TRIM14: variants seen among roughly 807,000 people sequenced by gnomAD.
TRIM14 encodes the protein tripartite motif containing 14.
TRIM14 carries 28 observed loss-of-function variants against 44.5 expected under a neutral mutation model. The observed-to-expected ratio is 0.63, with a 90% confidence interval of 0.47 to 0.86. TRIM14 has a LOEUF of 0.86. Ranked by LOEUF, TRIM14 falls within the 40% of genes least tolerant of loss-of-function variation. The probability of loss-of-function intolerance (pLI) is 0.00; values close to 1 mark genes in which losing one functional copy is unlikely to be tolerated. For missense variants in TRIM14, 607 were observed against 611.1 expected (o/e 0.99, Z 0.07); for synonymous variants, 299 against 269.2 (o/e 1.11, Z -1.08).
chr9:98,063,490 C>T, the TRIM14 span, among the ~76,000 whole-genome samples: 1 of 152,140 alleles, frequency 6.6e-6, no homozygotes, highest in Non-Finnish European at 1.5e-5. Context: ...TATCCATCTG[C>T]CTCAGCCTCC....
the TRIM14 span, among the ~76,000 whole-genome samples, chr9:98,042,190 G>A: frequency 1.3e-5 from 2 of 151,212 alleles, no homozygotes; most frequent in Non-Finnish European, 2.9e-5. Flanking sequence ...CTACTCGGGA[G>A]GCTGAGGCAG....
the TRIM14 span, among the ~76,000 whole-genome samples, chr9:98,062,450 T>A: frequency 1.3e-5 from 2 of 151,968 alleles, no homozygotes; most frequent in Non-Finnish European, 2.9e-5. Flanking sequence ...TGTGTTCTTT[T>A]GAATGTAAAA....
chr9:98,110,228 A>G (rs1564189098), intron 1 of TRIM14: 2 of 497,926 alleles, frequency 4.0e-6, no homozygotes, highest in Non-Finnish European at 7.3e-6. Context: ...CTCACACTTT[A>G]CTTTATCTAG....
downstream of TRIM14, among the ~76,000 whole-genome samples, chr9:98,067,058 T>C (rs1314144681): frequency 1.3e-5 from 2 of 152,224 alleles, no homozygotes; most frequent in African/African-American, 4.8e-5. Context: ...CATTGTGTTT[T>C]CATTTATGTT....
At chr9:98,111,199 G>A (rs1259750853) in intron 1 of TRIM14, among the ~76,000 whole-genome samples, 1 of 152,094 alleles carries the variant, frequency 6.6e-6, no homozygotes, top group Admixed American at 6.5e-5. Flanking sequence ...ATGATGGATG[G>A]ATGAATGAAT....
chr9:98,093,899 C>A, intron 4 of TRIM14, among the ~76,000 whole-genome samples: 1 of 152,166 alleles, frequency 6.6e-6, no homozygotes. Context: ...GTGCATGCCA[C>A]CATGCCTGGC....
chr9:98,057,899 A>C, the TRIM14 span, among the ~76,000 whole-genome samples: 1 of 57,752 alleles, frequency 1.7e-5, no homozygotes, highest in Admixed American at 1.8e-4. Flanking sequence ...GTTTTCTCTT[A>C]CTGTTTTTTT....
the TRIM14 span, among the ~76,000 whole-genome samples, chr9:98,052,710 T>C: frequency 6.6e-6 from 1 of 152,186 alleles, no homozygotes; most frequent in African/African-American, 2.4e-5. Context: ...TTCTCCATGT[T>C]AGTCAAGCTG....
the TRIM14 span, chr9:98,056,979 G>C: frequency 6.5e-7 from 1 of 1,531,312 alleles, no homozygotes; most frequent in Non-Finnish European, 8.8e-7. Context: ...TTCGGGCGCC[G>C]GGAGGGGCGG....
chr9:98,073,620 C>T (rs1486339561), intron 6 of TRIM14, among the ~76,000 whole-genome samples: 1 of 150,278 alleles, frequency 6.7e-6, no homozygotes, highest in East Asian at 2.0e-4. Flanking sequence ...CTGAAGGATC[C>T]AAAACCTGAG....
intron 6 of TRIM14, among the ~76,000 whole-genome samples, chr9:98,073,139 C>T (rs940003719): frequency 6.6e-6 from 1 of 152,134 alleles, no homozygotes; most frequent in African/African-American, 2.4e-5. Flanking sequence ...GCAAAGCCGC[C>T]CTTCCCTCCA....
rs1025549912 is a variant in TRIM14 at position 98,087,934 on chromosome 9, C to G, written c.865G>C (p.Val289Leu). The G allele has an allele frequency of 3.4e-5, 54 of 1,566,472 alleles. No individual in the cohort carries two copies. The highest frequency in any genetic ancestry group is 5.6e-5 in the African/African-American group (4 of 70,960). ...RLRLSADRLT[V>L]RCGLLGSLGP... The stretch of plus-strand genomic sequence containing the variant: ...AGGCTGCCCAGCAGGCCGCAGCGCA[C>G]CGTCAGGCGATCGGCGGACAGGCGC... The change falls in exon 6 of 6, where the codon GTG becomes CTG. Residue 289 changes from valine to leucine, a missense_variant. Physicochemically the swap from Val to Leu is conservative, Grantham distance 32 (BLOSUM62 1). Around this residue, in one of 3 missense-constraint regions of TRIM14, gnomAD observed 356 missense variants for 323.0 expected, o/e 1.10. Transcript: ENST00000341469.
At chr9:98,107,718 G>A (rs990687263) in intron 2 of TRIM14, among the ~76,000 whole-genome samples, 2 of 151,998 alleles carry the variant, frequency 1.3e-5, no homozygotes, top group African/African-American at 2.4e-5. Context: ...CCAGGCTGGA[G>A]TACAGAGGCA....
chr9:98,065,402 C>T (rs542883595), downstream of TRIM14, among the ~76,000 whole-genome samples: 62 of 144,722 alleles, frequency 4.3e-4, no homozygotes, highest in African/African-American at 1.6e-3. Context: ...CTGCGACTTC[C>T]GCCTCCTGGG....
At chr9:98,057,027 C>T in the TRIM14 span, 2 of 1,429,334 alleles carry the variant, frequency 1.4e-6, no homozygotes, top group East Asian at 2.6e-5. Flanking sequence ...ACGGCCTCCG[C>T]GGCTGGGTAC....
At chr9:98,042,467 C>T in the TRIM14 span, among the ~76,000 whole-genome samples, 7 of 152,016 alleles carry the variant, frequency 4.6e-5, no homozygotes, top group East Asian at 7.7e-4. Context: ...ACTGTGATAT[C>T]GAATAAGCAC....
intron 2 of TRIM14, among the ~76,000 whole-genome samples, chr9:98,102,521 A>C (rs1452481757): frequency 6.6e-5 from 10 of 152,228 alleles, no homozygotes; most frequent in Admixed American, 6.5e-4. Context: ...CAGTGTGCTG[A>C]TGCATGCTAA....
intron 3 of TRIM14, among the ~76,000 whole-genome samples, chr9:98,097,265 G>C (rs909665722): frequency 1.3e-5 from 2 of 152,088 alleles, no homozygotes; most frequent in East Asian, 3.9e-4. Flanking sequence ...TGGCACATAA[G>C]GCCTTCATGA....
At position 98,085,704 on chromosome 9, in the gene TRIM14, C is replaced by G. The variant is rs1379117783; in HGVS notation, c.*1766G>C. 6.6e-6 allele frequency: 1 copy of G among 152,090 alleles called. No individual in the cohort carries two copies. Among genetic ancestry groups the G allele is most frequent in the African/African-American group, 2.4e-5 (1 of 41,386 alleles). 9.4% of individuals were successfully genotyped at this position (152,090 alleles called of 1,614,324 possible). On this transcript the variant is annotated 3_prime_UTR_variant, in exon 6 of 6. Coordinates refer to ENST00000341469, the MANE Select transcript of TRIM14 (RefSeq NM_014788.4). ...CTCTGTCCAGCCAGAGTTTTAAAGT[C>G]TTTGGTTAGAAGTTAAGGTGTTTGC... is the stretch of plus-strand genomic sequence containing the variant.
Sources: gnomAD v4.1 joint callset for allele counts (sites outside exome capture counted in the v4.1 genomes callset) on GRCh38, gnomAD v4.1.1 for gene constraint, gnomAD v4.1.1 regional missense constraint, MANE v1.5 for transcripts, NCBI Gene and HGNC (gene_info 2026-07-23, HGNC 2026-07-21) for gene names.